Variants in CCDC178 observed in about 807,000 individuals in gnomAD.
The protein encoded by CCDC178 is coiled-coil domain containing 178.
CCDC178 carries 126 observed loss-of-function variants against 117.4 expected under a neutral mutation model. The ratio of observed to expected loss-of-function variants is 1.07; its 90% CI spans 0.93 to 1.24. The LOEUF (loss-of-function observed/expected upper bound fraction) is 1.24. CCDC178 is among the 50% of genes most tolerant of loss of function. CCDC178 has a pLI of 0.00. For missense variants in CCDC178, 1,030 were observed against 986.9 expected (o/e 1.04, Z -0.59); for synonymous variants, 283 against 313.4 (o/e 0.90, Z 1.02).
At chr18:32,997,078 T>C (rs2055527542) in intron 21 of CCDC178, among the ~76,000 whole-genome samples, 1 of 152,156 alleles carries the variant, frequency 6.6e-6, no homozygotes, top group South Asian at 2.1e-4. Flanking sequence ...CTTCTCTCTT[T>C]CGTTTTGAAT....
intron 2 of CCDC178, among the ~76,000 whole-genome samples, chr18:33,423,261 C>G (rs952500450): frequency 6.6e-5 from 10 of 152,176 alleles, no homozygotes; most frequent in Non-Finnish European, 1.3e-4. Context: ...CCATCAAAAT[C>G]ATAATCCAAT....
intron 2 of CCDC178, among the ~76,000 whole-genome samples, chr18:33,429,026 GA>G (rs11381656): frequency 1.5e-3 from 214 of 145,084 alleles, no homozygotes; most frequent in African/African-American, 3.2e-3. Context: ...AGTTTAAAAG[GA>G]AAAAAAAAAA....
intron 21 of CCDC178, among the ~76,000 whole-genome samples, chr18:33,081,813 A>T (rs537413308): frequency 6.6e-6 from 1 of 152,298 alleles, no homozygotes; most frequent in Non-Finnish European, 1.5e-5. Flanking sequence ...CAGATAATGT[A>T]TTGCCTGTGT....
chr18:33,155,024 T>C (rs2058378744), intron 20 of CCDC178, among the ~76,000 whole-genome samples: 1 of 152,132 alleles, frequency 6.6e-6, no homozygotes, highest in African/African-American at 2.4e-5. Flanking sequence ...TATCTTAACA[T>C]AATTGAGATT....
At chr18:33,274,107 G>C (rs2059918265) in intron 12 of CCDC178, among the ~76,000 whole-genome samples, 1 of 151,626 alleles carries the variant, frequency 6.6e-6, no homozygotes, top group South Asian at 2.1e-4. Context: ...CTCCAAAGAA[G>C]ATATACAAAT....
At chr18:33,369,423 C>A (rs1005304033) in intron 6 of CCDC178, among the ~76,000 whole-genome samples, 1 of 151,806 alleles carries the variant, frequency 6.6e-6, no homozygotes, top group African/African-American at 2.4e-5. Context: ...TAGCACAGGT[C>A]TCTGGAAAAT....
intron 8 of CCDC178, among the ~76,000 whole-genome samples, chr18:33,348,638 G>T (rs562515875): frequency 6.6e-6 from 1 of 151,798 alleles, no homozygotes; most frequent in East Asian, 1.9e-4. Flanking sequence ...ACTACAAATA[G>T]CTTCTTGAGA....
Position 33,054,235 on chromosome 18 carries a change from A to G in CCDC178, c.2388+38526T>C, listed in dbSNP as rs182379665. ...TGAGCTGTGTCATCAAATCAAATAAATATGACAGTCATTACACATTTTTCT... is the reference window on the plus strand; with the variant it reads ...TGAGCTGTGTCATCAAATCAAATAAGTATGACAGTCATTACACATTTTTCT... On this transcript the variant is annotated intron_variant, in intron 21 of 22. Transcript: ENST00000383096. 3.0e-3 allele frequency among the ~76,000 whole-genome samples: 462 copies of G among 152,306 alleles called. 10 individuals are homozygous for G. The highest frequency in any genetic ancestry group is 0.03 in the Admixed American group (452 of 15,292).
At position 33,356,832 on chromosome 18, in the gene CCDC178, C is replaced by T. The variant is rs186425796; in HGVS notation, c.349-486G>A. Among the ~76,000 whole-genome samples the T allele has an allele frequency of 7.6e-4, 115 of 152,210 alleles. 1 individual carries two copies. The East Asian group carries it at 0.014, about 18-fold the overall frequency. ...CTTCTTTGACATATTCAGAAACAGT[C>T]CTGCAAAACCGTCTCTTGTGGCAGA... On this transcript the variant is annotated intron_variant, in intron 6 of 22. Coordinates refer to ENST00000383096, the MANE Select transcript of CCDC178 (RefSeq NM_001105528.4).
intron 5 of CCDC178, among the ~76,000 whole-genome samples, chr18:33,379,790 C>T (rs1341818011): frequency 6.6e-6 from 1 of 152,128 alleles, no homozygotes; most frequent in African/African-American, 2.4e-5. Flanking sequence ...TAGGGTGGAT[C>T]AGGCTGCTGT....
intron 20 of CCDC178, among the ~76,000 whole-genome samples, chr18:33,133,837 ATTAAT>A (rs1331987915): frequency 1.3e-5 from 2 of 152,022 alleles, no homozygotes; most frequent in African/African-American, 2.4e-5. Context: ...ATCAGAAAAC[ATTAAT>A]TCAATTCTAC....
At chr18:33,233,721 T>C (rs2059394704) in intron 15 of CCDC178, among the ~76,000 whole-genome samples, 1 of 152,126 alleles carries the variant, frequency 6.6e-6, no homozygotes, top group Non-Finnish European at 1.5e-5. Context: ...TATGTATTTA[T>C]CACCCAAAGG....
intron 20 of CCDC178, among the ~76,000 whole-genome samples, chr18:33,162,376 A>G (rs2058476165): frequency 6.6e-6 from 1 of 152,206 alleles, no homozygotes; most frequent in South Asian, 2.1e-4. Flanking sequence ...ATAACTATCA[A>G]TCTGAACTAC....
At chr18:33,104,419 A>T (rs1294220555) in intron 20 of CCDC178, among the ~76,000 whole-genome samples, 1 of 151,560 alleles carries the variant, frequency 6.6e-6, no homozygotes, top group Non-Finnish European at 1.5e-5. Context: ...TATCTCATCT[A>T]TGTTTTTCTT....
At chr18:32,971,382 C>T (rs1006389763) in intron 22 of CCDC178, among the ~76,000 whole-genome samples, 4 of 152,154 alleles carry the variant, frequency 2.6e-5, no homozygotes, top group African/African-American at 7.2e-5. Context: ...CATAGTATTC[C>T]ATGGTGTATA....
At chr18:33,085,665 C>A (rs138424005) in intron 21 of CCDC178, among the ~76,000 whole-genome samples, 2 of 152,246 alleles carry the variant, frequency 1.3e-5, no homozygotes, top group African/African-American at 2.4e-5. Flanking sequence ...GTGCCTAGCA[C>A]ATATTAGTGC....
At chr18:33,039,161 T>A (rs986720070) in intron 21 of CCDC178, among the ~76,000 whole-genome samples, 1 of 151,746 alleles carries the variant, frequency 6.6e-6, no homozygotes, top group Non-Finnish European at 1.5e-5. Context: ...ATTCTTCAAA[T>A]AAAAACATAA....
intron 5 of CCDC178, among the ~76,000 whole-genome samples, chr18:33,375,317 A>C (rs754352633): frequency 5.9e-5 from 9 of 152,140 alleles, no homozygotes; most frequent in Non-Finnish European, 1.2e-4. Context: ...CTATTTGATA[A>C]GAAATAATCT....
At chr18:33,336,382 G>A (rs1436728983) in intron 9 of CCDC178, among the ~76,000 whole-genome samples, 1 of 152,022 alleles carries the variant, frequency 6.6e-6, no homozygotes, top group Non-Finnish European at 1.5e-5. Context: ...TTCCCCCAGG[G>A]CTAAATCTAA....
Sources: allele counts gnomAD v4.1 joint callset (sites outside exome capture counted in the v4.1 genomes callset), GRCh38; gene constraint gnomAD v4.1.1; transcripts MANE v1.5; gene names NCBI Gene and HGNC (gene_info 2026-07-23, HGNC 2026-07-21).